The following ARHGAP10 variants were observed in gnomAD, a reference collection of about 807,000 sequenced individuals.
ARHGAP10 encodes rho GTPase-activating protein 10.
A neutral mutation model predicts 108.6 loss-of-function variants in ARHGAP10; 87 were observed. The observed-to-expected ratio is 0.80, with a 90% CI of 0.67 to 0.96. The LOEUF is 0.96. Among genes scored for constraint, ARHGAP10 ranks in the 40% least tolerant of loss-of-function variants. The pLI, the probability that ARHGAP10 is intolerant of heterozygous loss-of-function variation, is 0.00. For synonymous variants in ARHGAP10, 347 were observed against 341.1 expected, an observed-to-expected ratio of 1.02 and a Z score of -0.19; for missense variants, 939 against 954.5, an observed-to-expected ratio of 0.98 and a Z score of 0.21.
chr4:148,038,185 T>G (rs1450499547), intron 19 of ARHGAP10, among the ~76,000 whole-genome samples: 2 of 152,188 alleles, frequency 1.3e-5, no homozygotes, highest in Admixed American at 6.5e-5. Context: ...TGAAATGAGT[T>G]TGGCAGTTCT....
At chr4:147,949,557 TC>T (rs968636038) in intron 15 of ARHGAP10, among the ~76,000 whole-genome samples, 4 of 72,166 alleles carry the variant, frequency 5.5e-5, no homozygotes, top group African/African-American at 1.0e-4. Flanking sequence ...CAGCCCACCC[TC>T]CCCCCCACAA....
At chr4:147,916,844 A>T (rs184324632) in intron 13 of ARHGAP10, 11 of 152,338 alleles carry the variant, frequency 7.2e-5, no homozygotes, top group African/African-American at 2.6e-4. Flanking sequence ...CCAAGTTCTG[A>T]AGACAGTGGA....
At chr4:147,909,153 G>A (rs1736629811) in intron 11 of ARHGAP10, among the ~76,000 whole-genome samples, 2 of 152,182 alleles carry the variant, frequency 1.3e-5, no homozygotes, top group African/African-American at 4.8e-5. Flanking sequence ...ACAGAACTGA[G>A]AGAAATACTT....
chr4:147,803,869 G>A (rs141861015), intron 1 of ARHGAP10, among the ~76,000 whole-genome samples: 1 of 152,172 alleles, frequency 6.6e-6, no homozygotes, highest in Non-Finnish European at 1.5e-5. Context: ...CTATGTTTTG[G>A]CTGTTGTGAC....
chr4:148,063,361 C>T, intron 21 of ARHGAP10, 61 bp downstream of exon 21: 1 of 1,598,038 alleles, frequency 6.3e-7, no homozygotes, highest in Non-Finnish European at 8.5e-7. Context: ...GCTTGATGAA[C>T]CTGAGCAGGT....
At position 147,971,377 on chromosome 4, in the gene ARHGAP10, G is replaced by A. The variant is rs76189473; in HGVS notation, c.1716+4538G>A. 5.7e-3 allele frequency among the ~76,000 whole-genome samples: 863 copies of A among 152,190 alleles called. 3 individuals are homozygous for A. The highest frequency in any genetic ancestry group is 0.02 in the Middle Eastern group (6 of 294). Reference sequence around the variant, plus strand: ...GGGGAAGTAAAGACAGTCCAGTAGGGGAAAGAAGAAATGTCCAAAAGTAGC... The same window carrying A: ...GGGGAAGTAAAGACAGTCCAGTAGGAGAAAGAAGAAATGTCCAAAAGTAGC... On this transcript the variant is annotated intron_variant, in intron 18 of 22. Coordinates refer to ENST00000336498, the MANE Select transcript of ARHGAP10 (RefSeq NM_024605.4).
At chr4:147,842,453 A>C (rs532672349) in intron 3 of ARHGAP10, among the ~76,000 whole-genome samples, 1 of 152,078 alleles carries the variant, frequency 6.6e-6, no homozygotes, top group Non-Finnish European at 1.5e-5. Context: ...TATATTATTT[A>C]TAACCTACCT....
At chr4:148,067,986 G>GC (rs1267423892) in intron 22 of ARHGAP10, among the ~76,000 whole-genome samples, 14 of 148,798 alleles carry the variant, frequency 9.4e-5, no homozygotes, top group African/African-American at 3.0e-4. Flanking sequence ...CAACTCCCCC[G>GC]CCCCCCACCC....
intron 19 of ARHGAP10, among the ~76,000 whole-genome samples, chr4:148,023,948 C>G (rs2149664306): frequency 6.6e-6 from 1 of 152,368 alleles, no homozygotes; most frequent in Admixed American, 6.5e-5. Context: ...TGCAGTGGAA[C>G]TCTGGCCAGT....
At chr4:147,835,966 C>T (rs1216724846) in intron 3 of ARHGAP10, among the ~76,000 whole-genome samples, 3 of 152,186 alleles carry the variant, frequency 2.0e-5, no homozygotes, top group Non-Finnish European at 4.4e-5. Context: ...GCTGCATATC[C>T]TTATTAGGCA....
intron 1 of ARHGAP10, among the ~76,000 whole-genome samples, chr4:147,764,042 G>C (rs536737775): frequency 6.6e-6 from 1 of 152,116 alleles, no homozygotes; most frequent in Admixed American, 6.6e-5. Flanking sequence ...ATTACATGGT[G>C]AACCACCATG....
At chr4:147,773,204 C>CT (rs954953872) in intron 1 of ARHGAP10, among the ~76,000 whole-genome samples, 35 of 152,254 alleles carry the variant, frequency 2.3e-4, no homozygotes, top group Admixed American at 7.8e-4. Flanking sequence ...ATGCTGACTT[C>CT]TTGTAGGTTA....
At chr4:147,789,991 ATTT>A (rs767313173) in intron 1 of ARHGAP10, among the ~76,000 whole-genome samples, 15 of 117,804 alleles carry the variant, frequency 1.3e-4, no homozygotes, top group Admixed American at 2.6e-4. Flanking sequence ...TGGTGTGTGG[ATTT>A]TTTTTTTTTT....
In ARHGAP10 at chr4:147,864,866, G is replaced by A; in HGVS notation, c.507G>A (p.Gln169=). 6.2e-7 allele frequency: 1 copy of A among 1,613,944 alleles called. No homozygotes were observed. Among genetic ancestry groups the A allele is most frequent in the East Asian group, 2.2e-5 (1 of 44,868 alleles). Residue 169 remains glutamine (Q), a synonymous_variant, in exon 6 of 23, where the codon CAG becomes CAA. Transcript: ENST00000336498. The stretch of plus-strand genomic sequence containing the variant: ...CATAGGCAGATATCCAAGTAGAGCA[G>A]AACCGGCAACACTTCTATGAACTGT... ...HLQEADIQVE[Q]NRQHFYELSL...
chr4:147,760,426 C>T (rs1729544971), intron 1 of ARHGAP10, among the ~76,000 whole-genome samples: 1 of 152,182 alleles, frequency 6.6e-6, no homozygotes, highest in African/African-American at 2.4e-5. Context: ...AATCCAGCAG[C>T]TCCCGTGAGT....
chr4:147,963,521 A>G (rs572471859), intron 16 of ARHGAP10, among the ~76,000 whole-genome samples: 1 of 152,362 alleles, frequency 6.6e-6, no homozygotes, highest in South Asian at 2.1e-4. Context: ...TTTATTTGAT[A>G]GTTTTCCAAT....
intron 8 of ARHGAP10, among the ~76,000 whole-genome samples, chr4:147,875,787 A>G (rs773173287): frequency 2.0e-5 from 3 of 152,228 alleles, no homozygotes; most frequent in Non-Finnish European, 4.4e-5. Context: ...CTTAGCAAAT[A>G]TGCAGTGCAT....
At chr4:147,834,113 G>T (rs1201726338) in intron 3 of ARHGAP10, among the ~76,000 whole-genome samples, 1 of 152,216 alleles carries the variant, frequency 6.6e-6, no homozygotes, top group Non-Finnish European at 1.5e-5. Flanking sequence ...GGGGGACCCA[G>T]GTCTCTCTTC....
intron 10 of ARHGAP10, among the ~76,000 whole-genome samples, chr4:147,892,821 T>A (rs533578446): frequency 3.3e-5 from 5 of 152,136 alleles, no homozygotes; most frequent in Non-Finnish European, 7.4e-5. Flanking sequence ...GACACTGATA[T>A]AATGTATTTT....
Sources: gnomAD v4.1 joint callset for allele counts (sites outside exome capture counted in the v4.1 genomes callset) on GRCh38, gnomAD v4.1.1 for gene constraint, MANE v1.5 for transcripts, NCBI Gene and HGNC (gene_info 2026-07-23, HGNC 2026-07-21) for gene names.